Variants in MYO5C observed in about 807,000 individuals in gnomAD.
MYO5C encodes the protein myosin VC.
MYO5C carries 194 observed loss-of-function variants against 235.7 expected under a neutral mutation model. The observed-to-expected ratio is 0.82, with a 90% confidence interval of 0.73 to 0.93. MYO5C has a LOEUF of 0.93. Ranked by LOEUF, MYO5C falls within the 40% of genes least tolerant of loss-of-function variation. The pLI, the probability that MYO5C is intolerant of heterozygous loss-of-function variation, is 0.00. For missense variants in MYO5C, 2,038 were observed against 2,127.2 expected (o/e 0.96, Z 0.82); for synonymous variants, 707 against 754.8 (o/e 0.94, Z 1.04).
At chr15:52,287,971 C>T (rs1439626611) in intron 1 of MYO5C, among the ~76,000 whole-genome samples, 1 of 148,790 alleles carries the variant, frequency 6.7e-6, no homozygotes, top group Admixed American at 6.7e-5. Context: ...CGTGAAACTC[C>T]GTCTCAAAAA....
intron 7 of MYO5C, among the ~76,000 whole-genome samples, chr15:52,270,670 ATATG>A (rs1027354694): frequency 6.6e-6 from 1 of 151,024 alleles, no homozygotes; most frequent in African/African-American, 2.4e-5. Context: ...ATATGTATAT[ATATG>A]TATGTATGTA....
intron 8 of MYO5C, among the ~76,000 whole-genome samples, chr15:52,264,730 G>A (rs542200469): frequency 6.6e-6 from 1 of 152,322 alleles, no homozygotes; most frequent in South Asian, 2.1e-4. Flanking sequence ...TCTGCCCCAG[G>A]GGACTTGGTA....
intron 5 of MYO5C, 65 bp downstream of exon 5, chr15:52,275,497 C>G: frequency 6.3e-7 from 1 of 1,593,800 alleles, no homozygotes; most frequent in Non-Finnish European, 8.6e-7. Context: ...GCCAGGAGAG[C>G]ACACAAACCA....
At position 52,205,108 on chromosome 15, in the gene MYO5C, G is replaced by A. The variant is rs764396826; in HGVS notation, c.4577C>T (p.Ser1526Phe). 1 of 1,614,086 alleles carries A rather than the reference G, an allele frequency of 6.2e-7. No individual in the cohort carries two copies. The highest frequency in any genetic ancestry group is 8.5e-7 in the Non-Finnish European group (1 of 1,180,056). ...MLEYESLQGI[S>F]GLKPTGFRKR... The stretch of plus-strand genomic sequence containing the variant: ...CCGGAAGCCTGTGGGCTTCAGGCCG[G>A]AAATGCCCTGCAGGCTCTCATACTC... Residue 1526 changes from serine to phenylalanine, a missense_variant, in exon 38 of 41, where the codon TCC (serine) becomes TTC (phenylalanine). Ser to Phe is a radical substitution (Grantham distance 155). Coordinates refer to ENST00000261839, the MANE Select transcript of MYO5C (RefSeq NM_018728.4).
chr15:52,278,328 AT>A (rs1304447541), intron 4 of MYO5C, among the ~76,000 whole-genome samples: 1 of 152,168 alleles, frequency 6.6e-6, no homozygotes, highest in African/African-American at 2.4e-5. Flanking sequence ...ATCGTGGGCT[AT>A]TCTGAGGCCA....
chr15:52,203,248 G>A (rs889742698), intron 38 of MYO5C, among the ~76,000 whole-genome samples: 3 of 151,912 alleles, frequency 2.0e-5, no homozygotes, highest in African/African-American at 7.3e-5. Context: ...ATACAGGCAT[G>A]CAATGTGAAA....
At chr15:52,215,016 A>G (rs746292623) in intron 32 of MYO5C, among the ~76,000 whole-genome samples, 4 of 152,200 alleles carry the variant, frequency 2.6e-5, no homozygotes, top group Non-Finnish European at 4.4e-5. Flanking sequence ...AAATAAATTC[A>G]TAGAATAGGT....
At chr15:52,250,400 G>A (rs55710762) in intron 13 of MYO5C, among the ~76,000 whole-genome samples, 5,514 of 151,716 alleles carry the variant, frequency 0.036, 139 homozygotes, top group Non-Finnish European at 0.057. Context: ...GTGCCACCAC[G>A]CCTGGCTTAT....
intron 11 of MYO5C, among the ~76,000 whole-genome samples, 192 bp downstream of exon 11, chr15:52,256,447 A>G (rs2036579923): frequency 6.6e-6 from 1 of 152,024 alleles, no homozygotes; most frequent in Non-Finnish European, 1.5e-5. Flanking sequence ...AAAAAGATGA[A>G]ATAGATGAGA....
intron 35 of MYO5C, among the ~76,000 whole-genome samples, chr15:52,210,499 C>T (rs143092958): frequency 1.1e-4 from 17 of 152,226 alleles, no homozygotes; most frequent in African/African-American, 3.9e-4. Context: ...TACTTTTTAA[C>T]ATAACTGTAA....
chr15:52,293,695 AC>A (rs2037441767), intron 1 of MYO5C, among the ~76,000 whole-genome samples: 1 of 151,990 alleles, frequency 6.6e-6, no homozygotes, highest in Non-Finnish European at 1.5e-5. Context: ...TCCATGGCCA[AC>A]ACTGCAGCTC....
intron 4 of MYO5C, 108 bp from the exon 5 acceptor site, chr15:52,275,826 CT>C: frequency 9.3e-7 from 1 of 1,072,140 alleles, no homozygotes; most frequent in Non-Finnish European, 1.4e-6. Flanking sequence ...TGTTTTGTCA[CT>C]CTACTATTTT....
chr15:52,192,733 T>C lies in MYO5C; in HGVS notation c.*1169A>G, dbSNP rs1397100441. 1 of 152,342 alleles carries C rather than the reference T, an allele frequency of 6.6e-6. No homozygotes were observed. The highest frequency in any genetic ancestry group is 1.5e-5 in the Non-Finnish European group (1 of 68,032). 9.4% of individuals were successfully genotyped at this position (152,342 alleles called of 1,614,324 possible). On this transcript the variant is annotated 3_prime_UTR_variant, in exon 41 of 41. Transcript: ENST00000261839. ...CTCAAAAGTAGGGTCCGACACAATT[T>C]TTTAGTTACTTTTTGAGAAAATTTA...
chr15:52,247,105 CA>C (rs2036365914), intron 15 of MYO5C, 91 bp from the exon 16 acceptor site: 5 of 1,118,360 alleles, frequency 4.5e-6, no homozygotes. Context: ...TTAAGTTACT[CA>C]ATAGGAAGAA....
At chr15:52,289,039 AC>A (rs1374107422) in intron 1 of MYO5C, among the ~76,000 whole-genome samples, 13 of 152,298 alleles carry the variant, frequency 8.5e-5, no homozygotes, top group African/African-American at 3.1e-4. Flanking sequence ...AGATGGGACG[AC>A]ATGTGTTTCC....
Position 52,245,351 on chromosome 15 carries a change from G to A in MYO5C, c.2178+3C>T. Reference sequence around the variant, plus strand: ...CATGATCCCAGGAGGTGGGGAAACTGACCTGGATGAGTCTGTGTAAAACCA... The same window carrying A: ...CATGATCCCAGGAGGTGGGGAAACTAACCTGGATGAGTCTGTGTAAAACCA... On this transcript the variant is annotated splice_donor_region_variant and intron_variant, in intron 18 of 40. Coordinates refer to ENST00000261839, the MANE Select transcript of MYO5C (RefSeq NM_018728.4). The A allele has an allele frequency of 6.2e-7, 1 of 1,600,688 alleles. No homozygotes were observed. The highest frequency in any genetic ancestry group is 1.7e-4 in the Middle Eastern group (1 of 6,030).
At position 52,195,965 on chromosome 15, in the gene MYO5C, T is replaced by G. The variant is rs912772945; in HGVS notation, c.4995+344A>C. On this transcript the variant is annotated intron_variant, in intron 39 of 40. Transcript: ENST00000261839. ...AGGTGTGTGCCATCACACCCAGCTT[T>G]TTTTTTTTTTTTTTTTTTTTTTTTT... Among the ~76,000 whole-genome samples the G allele has an allele frequency of 5.9e-3, 160 of 27,212 alleles. 3 individuals carry two copies. Among genetic ancestry groups the G allele is most frequent in the Admixed American group, 0.024 (78 of 3,188 alleles). 17.9% of individuals were successfully genotyped at this position (27,212 alleles called of 152,430 possible). A position where few individuals can be genotyped will look rare whatever the true frequency, so the allele number is the denominator to read the frequency against.
intron 29 of MYO5C, 35 bp downstream of exon 29, chr15:52,223,509 A>T: frequency 6.3e-7 from 1 of 1,591,322 alleles, no homozygotes; most frequent in Non-Finnish European, 8.6e-7. Context: ...CTCTAGTATG[A>T]TGGCCACGAC....
chr15:52,214,993 G>A (rs571350899), intron 32 of MYO5C, among the ~76,000 whole-genome samples: 7 of 152,188 alleles, frequency 4.6e-5, no homozygotes, highest in African/African-American at 7.2e-5. Flanking sequence ...TGCCTATTCT[G>A]GACATCTCAT....
Sources: gnomAD v4.1 joint callset for allele counts (sites outside exome capture counted in the v4.1 genomes callset) on GRCh38, gnomAD v4.1.1 for gene constraint, MANE v1.5 for transcripts, NCBI Gene and HGNC (gene_info 2026-07-23, HGNC 2026-07-21) for gene names.